The following DNAH7 variants were observed in gnomAD, a reference collection of about 807,000 sequenced individuals.
DNAH7 encodes dynein axonemal heavy chain 7.
A neutral mutation model predicts 444.6 loss-of-function variants in DNAH7; 397 were observed. The ratio of observed to expected loss-of-function variants is 0.89; its 90% CI spans 0.82 to 0.97. The LOEUF (loss-of-function observed/expected upper bound fraction) is 0.97. Among genes scored for constraint, DNAH7 ranks in the 50% least tolerant of loss-of-function variants. The probability of loss-of-function intolerance (pLI) is 0.00; values close to 1 mark genes in which losing one functional copy is unlikely to be tolerated. For synonymous variants in DNAH7, 1,636 were observed against 1,624.4 expected, an observed-to-expected ratio of 1.01 and a Z score of -0.17; for missense variants, 4,902 against 4,800.8, an observed-to-expected ratio of 1.02 and a Z score of -0.62.
intron 63 of DNAH7, among the ~76,000 whole-genome samples, chr2:195,753,319 C>T (rs184855657): frequency 2.0e-5 from 3 of 151,802 alleles, no homozygotes; most frequent in Admixed American, 1.3e-4. Flanking sequence ...CAAATATCCC[C>T]GGGAATAGTA....
At position 196,027,682 on chromosome 2, in the gene DNAH7, TA is replaced by T. The variant is rs758766181; in HGVS notation, c.486+277del. On this transcript the variant is annotated intron_variant, in intron 6 of 64. Transcript: ENST00000312428. ...ATAATTATTATAGGATAATTTCTCA[TA>T]AAAAAATTAAGGCATGTAAAGCTAT... Among the ~76,000 whole-genome samples the T allele has an allele frequency of 7.9e-5, 12 of 152,192 alleles. No homozygotes were observed. In the East Asian group the frequency reaches 1.2e-3, roughly 15 times the overall value.
chr2:195,756,045 A>C, intron 62 of DNAH7, 88 bp downstream of exon 62: 2 of 1,342,222 alleles, frequency 1.5e-6, no homozygotes. Flanking sequence ...GAAAAACTAG[A>C]GAGTAATACT....
intron 15 of DNAH7, among the ~76,000 whole-genome samples, chr2:195,973,341 T>G (rs1463493396): frequency 6.6e-6 from 1 of 152,200 alleles, no homozygotes. Context: ...AAATTCTTGT[T>G]TTATGGGTGG....
At chr2:195,804,372 A>C (rs1696612708) in intron 54 of DNAH7, among the ~76,000 whole-genome samples, 1 of 152,186 alleles carries the variant, frequency 6.6e-6, no homozygotes, top group South Asian at 2.1e-4. Context: ...AGTAAAATTA[A>C]AGGGTTTGAA....
In DNAH7 at chr2:195,787,099, G is replaced by T. The variant is rs1202662613; in HGVS notation, c.10789C>A (p.Pro3597Thr). The T allele has an allele frequency of 6.2e-7, 1 of 1,612,214 alleles. No individual in the cohort carries two copies. ...TCATAAGGAATATTCCACCCTAGGG[G>T]TCCAAATTTCCGTCTTTCTTGTACC... ...ALVQERRKFG[P>T]LGWNIPYEFN... The change falls in exon 58 of 65, where the codon CCC becomes ACC. Residue 3597 changes from proline (P) to threonine (T), a missense_variant. By Grantham distance (38) the Pro-to-Thr change is conservative. Coordinates refer to ENST00000312428, the MANE Select transcript of DNAH7 (RefSeq NM_018897.3).
chr2:195,975,625 G>C (rs1692139516), intron 15 of DNAH7, among the ~76,000 whole-genome samples: 1 of 152,142 alleles, frequency 6.6e-6, no homozygotes, highest in East Asian at 1.9e-4. Context: ...CCCAACCCCA[G>C]GCAGCACAGC....
intron 19 of DNAH7, among the ~76,000 whole-genome samples, chr2:195,942,169 G>C (rs1689494447): frequency 6.6e-6 from 1 of 152,084 alleles, no homozygotes. Flanking sequence ...AAAAGTCAAA[G>C]GTGGGTTAAT....
Position 195,936,621 on chromosome 2 carries a change from A to G in DNAH7, c.3250T>C (p.Ser1084Pro). 1.9e-6 allele frequency: 3 copies of G among 1,598,374 alleles called. No individual in the cohort carries two copies. Among genetic ancestry groups the G allele is most frequent in the Non-Finnish European group, 2.6e-6 (3 of 1,175,682 alleles). The change falls in exon 20 of 65, where the codon TCT (serine) becomes CCT (proline). Residue 1084 changes from serine (S) to proline (P), a missense_variant. Physicochemically the swap from Ser to Pro is moderately conservative, Grantham distance 74 (BLOSUM62 -1). Coordinates refer to ENST00000312428, the MANE Select transcript of DNAH7 (RefSeq NM_018897.3). ...LSNDELLEIL[S>P]ETKDPTRVQP... The stretch of plus-strand genomic sequence containing the variant: ...TACCTAGTGGGATCTTTAGTCTCAG[A>G]TAGTATCTCAAGAAGTTCATCATTG...
At chr2:195,984,988 T>C (rs900972102) in intron 14 of DNAH7, among the ~76,000 whole-genome samples, 4 of 152,168 alleles carry the variant, frequency 2.6e-5, no homozygotes, top group East Asian at 1.9e-4. Context: ...GTAAGGGAGA[T>C]AGGACTGTGA....
chr2:195,958,402 T>C (rs1574883062), intron 18 of DNAH7, among the ~76,000 whole-genome samples: 2 of 152,324 alleles, frequency 1.3e-5, no homozygotes, highest in South Asian at 4.1e-4. Flanking sequence ...ATTCAAAGTA[T>C]GTGTTATGTT....
intron 50 of DNAH7, 66 bp from the exon 51 acceptor site, chr2:195,817,029 CT>C: frequency 8.3e-7 from 1 of 1,202,478 alleles, no homozygotes; most frequent in Non-Finnish European, 1.1e-6. Flanking sequence ...CGTATATGTT[CT>C]TTTATAAGAA....
intron 24 of DNAH7, among the ~76,000 whole-genome samples, chr2:195,913,554 T>G (rs1209529290): frequency 6.6e-6 from 1 of 152,216 alleles, no homozygotes; most frequent in Non-Finnish European, 1.5e-5. Flanking sequence ...GAAGTCCAAA[T>G]AGTTTATGAA....
chr2:195,743,062 T>C (rs1693139743), intron 63 of DNAH7, among the ~76,000 whole-genome samples: 1 of 152,192 alleles, frequency 6.6e-6, no homozygotes, highest in Non-Finnish European at 1.5e-5. Flanking sequence ...AAGAGCAGAC[T>C]TGCTAAGCCT....
In DNAH7 at chr2:195,777,791, C is replaced by T; in HGVS notation, c.11064+9G>A. ...TACTGCTTTTAGTTTTTTTGAAGGG[C>T]ATACTTACATCACCAGAAGGAGGAA... On this transcript the variant is annotated intron_variant, in intron 59 of 64. Coordinates refer to ENST00000312428, the MANE Select transcript of DNAH7 (RefSeq NM_018897.3). 6.2e-7 allele frequency: 1 copy of T among 1,601,102 alleles called. No individual in the cohort carries two copies. The highest frequency in any genetic ancestry group is 8.5e-7 in the Non-Finnish European group (1 of 1,170,566).
At chr2:195,984,815 C>G in intron 14 of DNAH7, 105 bp from the exon 15 acceptor site, 1 of 1,075,278 alleles carries the variant, frequency 9.3e-7, no homozygotes, top group Non-Finnish European at 1.4e-6. Flanking sequence ...AAAATAAAAA[C>G]TATAACTTAG....
In DNAH7 at chr2:195,864,576, T is replaced by C; in HGVS notation, c.7079A>G (p.Tyr2360Cys). The change falls in exon 41 of 65, where the codon TAT becomes TGT. Residue 2360 changes from tyrosine to cysteine, a missense_variant. By Grantham distance (194) the Tyr-to-Cys change is radical. Coordinates refer to ENST00000312428, the MANE Select transcript of DNAH7 (RefSeq NM_018897.3). Reference protein sequence around the residue: ...VTRLAAHMADYSVFQVEISKG... With the variant: ...VTRLAAHMADCSVFQVEISKG... ...AGAGATTTCAACTTGGAAAACTGAA[T>C]AATCAGCCATGTGGGCAGCTAATCT... 6.2e-7 allele frequency: 1 copy of C among 1,614,148 alleles called. No individual in the cohort carries two copies. The highest frequency in any genetic ancestry group is 8.5e-7 in the Non-Finnish European group (1 of 1,180,024).
chr2:195,889,931 G>C (rs1182687475), intron 31 of DNAH7, among the ~76,000 whole-genome samples: 2 of 152,136 alleles, frequency 1.3e-5, no homozygotes, highest in Non-Finnish European at 2.9e-5. Flanking sequence ...TTTATACATT[G>C]TCCAGAATAT....
intron 49 of DNAH7, among the ~76,000 whole-genome samples, chr2:195,823,775 TA>T (rs1440166805): frequency 2.0e-5 from 3 of 152,274 alleles, no homozygotes; most frequent in East Asian, 3.9e-4. Flanking sequence ...AGTCACTGAC[TA>T]AAAAACTTTA....
intron 1 of DNAH7, among the ~76,000 whole-genome samples, chr2:196,064,382 A>G (rs987919175): frequency 6.6e-6 from 1 of 151,498 alleles, no homozygotes; most frequent in Non-Finnish European, 1.5e-5. Flanking sequence ...AAAGAAAAAC[A>G]AAACCTTCAA....
Sources: gnomAD v4.1 joint callset for allele counts (sites outside exome capture counted in the v4.1 genomes callset) on GRCh38, gnomAD v4.1.1 for gene constraint, MANE v1.5 for transcripts, NCBI Gene and HGNC (gene_info 2026-07-23, HGNC 2026-07-21) for gene names.